Variants in DST observed in about 807,000 individuals in gnomAD.
DST encodes dystonin, also known as bullous pemphigoid antigen.
A neutral mutation model predicts 875.2 loss-of-function variants in DST; 253 were observed. That is an observed-to-expected ratio of 0.29 (90% CI 0.26 to 0.32). The LOEUF (loss-of-function observed/expected upper bound fraction) is 0.32. Among genes scored for constraint, DST ranks in the 10% least tolerant of loss-of-function variants. DST has a pLI of 1.00. For missense variants in DST, 8,287 were observed against 9,111.6 expected, an observed-to-expected ratio of 0.91 and a Z score of 3.68; for synonymous variants, 3,124 against 3,197.1, an observed-to-expected ratio of 0.98 and a Z score of 0.77.
intron 3 of DST, among the ~76,000 whole-genome samples, chr6:56,857,343 T>G (rs1420254271): frequency 1.3e-5 from 2 of 152,152 alleles, no homozygotes; most frequent in Admixed American, 6.6e-5. Context: ...TGTGGTGTGT[T>G]TAAGTGTTGC....
At chr6:56,954,092 G>A (rs1732612689) in intron 1 of DST, among the ~76,000 whole-genome samples, 2 of 152,266 alleles carry the variant, frequency 1.3e-5, no homozygotes, top group African/African-American at 4.8e-5. Context: ...AGCGAAGGAT[G>A]CGTGAAGGCG....
At chr6:56,560,812 T>C (rs771173728) in intron 57 of DST, among the ~76,000 whole-genome samples, 4 of 152,192 alleles carry the variant, frequency 2.6e-5, no homozygotes, top group Admixed American at 1.3e-4. Flanking sequence ...AAACACTTTT[T>C]TTGGGCAACA....
intron 9 of DST, chr6:56,692,941 TC>T (rs1386281510): frequency 1.6e-6 from 2 of 1,289,800 alleles, no homozygotes; most frequent in Admixed American, 4.6e-5. Context: ...AGCTGGCTGT[TC>T]TTTTGAAGGC....
intron 7 of DST, 106 bp from the exon 8 acceptor site, chr6:56,702,071 C>A: frequency 1.5e-6 from 1 of 645,630 alleles, no homozygotes; most frequent in East Asian, 2.9e-5. Context: ...CAGTATTTAC[C>A]GTTTAGGTAA....
chr6:56,818,775 ACT>A (rs2099769612), intron 4 of DST, among the ~76,000 whole-genome samples: 2 of 152,170 alleles, frequency 1.3e-5, no homozygotes, highest in Admixed American at 1.3e-4. Flanking sequence ...GTTTCAAAGT[ACT>A]CTGATATGTA....
At chr6:56,952,623 T>C (rs950234150) in intron 2 of DST, among the ~76,000 whole-genome samples, 1 of 152,208 alleles carries the variant, frequency 6.6e-6, no homozygotes, top group African/African-American at 2.4e-5. Flanking sequence ...AGCTACCAAA[T>C]ACTGAATACT....
chr6:56,640,032 C>T lies in DST; in HGVS notation c.2516G>A (p.Gly839Asp), dbSNP rs560034118. The T allele has an allele frequency of 1.9e-6, 3 of 1,613,962 alleles. No individual in the cohort carries two copies. The highest frequency in any genetic ancestry group is 2.2e-5 in the East Asian group (1 of 44,872). ...MQVQLDRTEW[G>D]SDLPSVESHL... ...GCTTTCAACACTTGGCAAATCTGAGCCCCACTCAGTGCGGTCCAGTTGTAC... is the reference window on the plus strand; with the variant it reads ...GCTTTCAACACTTGGCAAATCTGAGTCCCACTCAGTGCGGTCCAGTTGTAC... The change falls in exon 19 of 104, where the codon GGC becomes GAC. Residue 839 changes from glycine (G) to aspartate (D), a missense_variant. By Grantham distance (94) the Gly-to-Asp change is moderately conservative (BLOSUM62 -1). Coordinates refer to ENST00000680361, the MANE Select transcript of DST (RefSeq NM_001374736.1).
chr6:56,878,116 T>C (rs888216686), intron 3 of DST, among the ~76,000 whole-genome samples: 16 of 152,234 alleles, frequency 1.1e-4, no homozygotes, highest in African/African-American at 3.9e-4. Context: ...GTTAGGACAG[T>C]GTGACACAGA....
chr6:56,799,021 C>T (rs1344644090), intron 4 of DST, among the ~76,000 whole-genome samples: 1 of 152,212 alleles, frequency 6.6e-6, no homozygotes, highest in East Asian at 1.9e-4. Context: ...TCTTATGGAT[C>T]AGCAAAGAAA....
rs1206986076 is a variant in DST at position 56,605,020 on chromosome 6, A to G, written c.9608T>C (p.Val3203Ala). The change falls in exon 40 of 104, where the codon GTC becomes GCC. Residue 3203 changes from valine (V) to alanine (A), a missense_variant. Transcript: ENST00000680361. ...AKDVAKPNED[V>A]PSHVLITAPP... ...GGCAGTTATTAAAACATGGCTTGGG[A>G]CATCTTCATTTGGTTTGGCTACATC... 3.7e-6 allele frequency: 6 copies of G among 1,612,796 alleles called. No homozygotes were observed. Among genetic ancestry groups the G allele is most frequent in the Non-Finnish European group, 5.1e-6 (6 of 1,179,332 alleles).
rs1470782346 is a variant in DST at position 56,640,193 on chromosome 6, TTTC to T, written c.2437_2439del (p.Glu813del). ...AGATCCTGAACAAATTTCATATTGATTTCTTCTTCTGTTAAATTTTGATCCAGC... is the reference window on the plus strand; with the variant it reads ...AGATCCTGAACAAATTTCATATTGATTTCTTCTGTTAAATTTTGATCCAGC... On this transcript the variant is annotated inframe_deletion, in exon 18 of 104. Transcript: ENST00000680361. 6.2e-6 allele frequency: 10 copies of T among 1,614,174 alleles called. No individual in the cohort carries two copies. Among genetic ancestry groups the T allele is most frequent in the Non-Finnish European group, 8.5e-6 (10 of 1,180,020 alleles).
chr6:56,741,225 TTTG>T (rs923125546), intron 4 of DST, among the ~76,000 whole-genome samples: 5 of 152,092 alleles, frequency 3.3e-5, no homozygotes, highest in African/African-American at 4.8e-5. Context: ...TCAATGAGGT[TTTG>T]TTGTTGTTGT....
chr6:56,611,365 AC>A, intron 38 of DST, 142 bp downstream of exon 38: 2 of 619,648 alleles, frequency 3.2e-6, no homozygotes, highest in Non-Finnish European at 5.6e-6. Context: ...CTAAGTTGAT[AC>A]TCTTTACATT....
chr6:56,778,099 C>T (rs530191703), intron 4 of DST, among the ~76,000 whole-genome samples: 3 of 152,062 alleles, frequency 2.0e-5, no homozygotes, highest in South Asian at 2.1e-4. Flanking sequence ...TATTATATCA[C>T]GTATAAGCAC....
Position 56,530,782 on chromosome 6 carries a change from C to T in DST, c.17109-649G>A, listed in dbSNP as rs151053457. On this transcript the variant is annotated intron_variant, in intron 64 of 103. Coordinates refer to ENST00000680361, the MANE Select transcript of DST (RefSeq NM_001374736.1). Reference sequence around the variant, plus strand: ...CTTTGGAAATACGTTTCCTCAGTTGCAGAGGACTAAAGCTAAAACCTGTTT... The same window carrying T: ...CTTTGGAAATACGTTTCCTCAGTTGTAGAGGACTAAAGCTAAAACCTGTTT... 1.3e-3 allele frequency among the ~76,000 whole-genome samples: 205 copies of T among 152,262 alleles called. 2 individuals are homozygous for T. The highest frequency in any genetic ancestry group is 0.013 in the Admixed American group (198 of 15,294).
At chr6:56,486,611 G>C (rs1475417212) in intron 87 of DST, among the ~76,000 whole-genome samples, 1 of 152,078 alleles carries the variant, frequency 6.6e-6, no homozygotes, top group Non-Finnish European at 1.5e-5. Context: ...ATGAGAAAGA[G>C]GGAGATCAGA....
chr6:56,721,936 G>C (rs1366785951), intron 5 of DST, among the ~76,000 whole-genome samples: 3 of 152,194 alleles, frequency 2.0e-5, no homozygotes, highest in African/African-American at 7.2e-5. Flanking sequence ...TTTTGGCTTT[G>C]AGGGCCATAT....
At chr6:56,475,394 A>AACACACACACAAACAC (rs1389911774) in intron 92 of DST, among the ~76,000 whole-genome samples, 253 of 144,976 alleles carry the variant, frequency 1.7e-3, no homozygotes, top group African/African-American at 6.3e-3. Context: ...AGGCTTTTAA[A>AACACACACACAAACAC]ACACACACAC....
At chr6:56,814,507 C>T (rs977143400) in intron 4 of DST, among the ~76,000 whole-genome samples, 1 of 152,158 alleles carries the variant, frequency 6.6e-6, no homozygotes, top group Non-Finnish European at 1.5e-5. Context: ...AGGATTTAAC[C>T]TCCTAATAAG....
Sources: gnomAD v4.1 joint callset for allele counts (sites outside exome capture counted in the v4.1 genomes callset) on GRCh38, gnomAD v4.1.1 for gene constraint, MANE v1.5 for transcripts, NCBI Gene and HGNC (gene_info 2026-07-23, HGNC 2026-07-21) for gene names.